VPS50: variants seen among roughly 807,000 people sequenced by gnomAD.
VPS50 encodes VPS50 subunit of EARP/GARPII complex, also known as syndetin.
In VPS50, 70 loss-of-function variants were observed where a neutral mutation model predicts 139.7. That is an observed-to-expected ratio of 0.50 (90% CI 0.41 to 0.61). VPS50 has a LOEUF of 0.61. Among genes scored for constraint, VPS50 ranks in the 20% least tolerant of loss-of-function variants. VPS50 has a pLI of 0.00. For synonymous variants in VPS50, 365 were observed against 376.7 expected (o/e 0.97, Z 0.36); for missense variants, 921 against 1,133.7 (o/e 0.81, Z 2.69).
At chr7:93,321,812 C>G (rs986119148) in intron 20 of VPS50, among the ~76,000 whole-genome samples, 2 of 152,176 alleles carry the variant, frequency 1.3e-5, no homozygotes, top group African/African-American at 4.8e-5. Context: ...TATTTGCATT[C>G]TACCTCATTC....
intron 2 of VPS50, among the ~76,000 whole-genome samples, chr7:93,241,981 G>A (rs1795005295): frequency 6.6e-6 from 1 of 151,628 alleles, no homozygotes; most frequent in Admixed American, 6.6e-5. Context: ...TAACAAAATG[G>A]AAAATGTTAA....
chr7:93,290,150 T>C (rs1796608177), intron 12 of VPS50, among the ~76,000 whole-genome samples: 1 of 152,052 alleles, frequency 6.6e-6, no homozygotes, highest in Admixed American at 6.6e-5. Flanking sequence ...GCTGAATTCT[T>C]TTATTGTTTG....
chr7:93,271,951 G>C (rs1321093661), intron 10 of VPS50, among the ~76,000 whole-genome samples: 1 of 151,722 alleles, frequency 6.6e-6, no homozygotes, highest in African/African-American at 2.4e-5. Context: ...GCAATTATTT[G>C]CTATTAAATA....
At chr7:93,278,820 C>T (rs908293191) in intron 12 of VPS50, among the ~76,000 whole-genome samples, 1 of 151,404 alleles carries the variant, frequency 6.6e-6, no homozygotes, top group African/African-American at 2.4e-5. Context: ...TACACACACA[C>T]GTATATGTAT....
intron 20 of VPS50, among the ~76,000 whole-genome samples, chr7:93,323,004 C>G (rs1421508773): frequency 1.3e-5 from 2 of 152,084 alleles, no homozygotes; most frequent in Admixed American, 6.6e-5. Flanking sequence ...TCTTTGTACC[C>G]TGTGGATATT....
intron 9 of VPS50, among the ~76,000 whole-genome samples, chr7:93,266,254 T>C (rs1795841350): frequency 6.6e-6 from 1 of 152,218 alleles, no homozygotes; most frequent in Non-Finnish European, 1.5e-5. Flanking sequence ...GTAACTCGTC[T>C]TCAGCATATA....
At chr7:93,265,448 G>T (rs1302979279) in intron 9 of VPS50, among the ~76,000 whole-genome samples, 1 of 152,198 alleles carries the variant, frequency 6.6e-6, no homozygotes, top group Non-Finnish European at 1.5e-5. Context: ...CTGCCAGCTG[G>T]ATTTGGCCTG....
At chr7:93,335,493 G>GT (rs942184479) in intron 22 of VPS50, among the ~76,000 whole-genome samples, 3 of 151,984 alleles carry the variant, frequency 2.0e-5, no homozygotes, top group African/African-American at 4.8e-5. Context: ...AACTTGGCTT[G>GT]TTTTTTTGGT....
chr7:93,288,215 G>A (rs971367655), intron 12 of VPS50, among the ~76,000 whole-genome samples: 1 of 152,064 alleles, frequency 6.6e-6, no homozygotes, highest in South Asian at 2.1e-4. Context: ...TGAGATTTGG[G>A]TGGGGACAGA....
chr7:93,328,438 A>G (rs928767202), intron 21 of VPS50, among the ~76,000 whole-genome samples: 1 of 152,198 alleles, frequency 6.6e-6, no homozygotes, highest in African/African-American at 2.4e-5. Flanking sequence ...ATAGGTATCT[A>G]TATATTTAAA....
At chr7:93,271,185 A>C in intron 9 of VPS50, 35 bp from the exon 10 acceptor site, 1 of 1,557,646 alleles carries the variant, frequency 6.4e-7, no homozygotes, top group Non-Finnish European at 8.6e-7. Context: ...TTTGTCTCAG[A>C]AATAGAAAAA....
intron 23 of VPS50, among the ~76,000 whole-genome samples, chr7:93,348,386 C>A (rs986613265): frequency 6.6e-6 from 1 of 152,012 alleles, no homozygotes; most frequent in Non-Finnish European, 1.5e-5. Context: ...AAAAAAATAC[C>A]CTTGTGTTCT....
At chr7:93,272,811 A>C in intron 11 of VPS50, 78 bp downstream of exon 11, 1 of 667,218 alleles carries the variant, frequency 1.5e-6, no homozygotes, top group Admixed American at 2.8e-5. Flanking sequence ...GAATATTATT[A>C]ATCTCATGTC....
At chr7:93,241,603 A>G (rs1794992794) in intron 2 of VPS50, among the ~76,000 whole-genome samples, 1 of 152,044 alleles carries the variant, frequency 6.6e-6, no homozygotes, top group Non-Finnish European at 1.5e-5. Context: ...ATGGAGGGTG[A>G]GCAGAGCTTC....
chr7:93,327,666 T>G (rs1797821235), intron 21 of VPS50, among the ~76,000 whole-genome samples: 1 of 152,164 alleles, frequency 6.6e-6, no homozygotes. Context: ...ATAGCACAAA[T>G]AGGCACATGC....
At chr7:93,311,082 A>T (rs1050811098) in intron 19 of VPS50, 84 bp from the exon 20 acceptor site, 172 of 729,282 alleles carry the variant, frequency 2.4e-4, no homozygotes, top group Non-Finnish European at 1.7e-4. Context: ...TAATTAGTTA[A>T]TAAAGGCTAG....
intron 23 of VPS50, among the ~76,000 whole-genome samples, chr7:93,343,068 G>T (rs1026549586): frequency 3.3e-5 from 5 of 152,144 alleles, no homozygotes; most frequent in Non-Finnish European, 5.9e-5. Flanking sequence ...CAAAGGCAAA[G>T]AAGTAGAAAA....
intron 23 of VPS50, among the ~76,000 whole-genome samples, chr7:93,347,216 C>T (rs1158192820): frequency 2.0e-5 from 3 of 146,508 alleles, no homozygotes; most frequent in Non-Finnish European, 3.0e-5. Flanking sequence ...CCAAAAAACA[C>T]ATGAAAAAAT....
intron 20 of VPS50, among the ~76,000 whole-genome samples, chr7:93,318,502 T>G (rs1300755479): frequency 6.6e-6 from 1 of 152,232 alleles, no homozygotes; most frequent in African/African-American, 2.4e-5. Flanking sequence ...TATTCATTGA[T>G]GGTGTCTCAA....
Sources: gnomAD v4.1 joint callset for allele counts (sites outside exome capture counted in the v4.1 genomes callset) on GRCh38, gnomAD v4.1.1 for gene constraint, MANE v1.5 for transcripts, NCBI Gene and HGNC (gene_info 2026-07-23, HGNC 2026-07-21) for gene names.